Variants in TMEM129 observed in about 807,000 individuals in gnomAD.
TMEM129 encodes the protein transmembrane protein 129, E3 ubiquitin ligase, also known as E3 ubiquitin-protein ligase TM129.
TMEM129 carries 35 observed loss-of-function variants against 34.1 expected under a neutral mutation model. The ratio of observed to expected loss-of-function variants is 1.03; its 90% confidence interval spans 0.78 to 1.36. The LOEUF is 1.36. Among genes scored for constraint, TMEM129 ranks in the 40% most tolerant of loss-of-function variants. The probability of loss-of-function intolerance (pLI) is 0.00; values close to 1 mark genes in which losing one functional copy is unlikely to be tolerated. For missense variants in TMEM129, 504 were observed against 512.6 expected, an observed-to-expected ratio of 0.98 and a Z score of 0.16; for synonymous variants, 239 against 217.3, an observed-to-expected ratio of 1.10 and a Z score of -0.88.
chr4:1,717,710 G>A (rs1257411988), intron 2 of TMEM129, 35 bp from the exon 3 acceptor site: 2 of 1,465,548 alleles, frequency 1.4e-6, no homozygotes, highest in African/African-American at 1.4e-5. Flanking sequence ...CCCTCTGCAG[G>A]GCAAAGGGAG....
rs113432645 is a variant in TMEM129 at position 1,719,367 on chromosome 4, G to A, written c.206-741C>T. On this transcript the variant is annotated intron_variant, in intron 1 of 3. Coordinates refer to ENST00000382936, the MANE Select transcript of TMEM129 (RefSeq NM_001127266.2). ...AGATCGAGACCATCCTGGCTAACAC[G>A]GTGAAACCCCATCTCCACTAAAAAA... 881 of 369,092 alleles carry A rather than the reference G, an allele frequency of 2.4e-3. 11 individuals carry two copies. The highest frequency in any genetic ancestry group is 0.017 in the African/African-American group (795 of 47,176). 22.9% of individuals were successfully genotyped at this position (369,092 alleles called of 1,614,324 possible). A position where few individuals can be genotyped will look rare whatever the true frequency, so the allele number is the denominator to read the frequency against.
At position 1,717,577 on chromosome 4, in the gene TMEM129, A is replaced by C. The variant is rs1276888960; in HGVS notation, c.779T>G (p.Phe260Cys). The C allele has an allele frequency of 6.5e-7, 1 of 1,549,772 alleles. No homozygotes were observed. The highest frequency in any genetic ancestry group is 8.7e-7 in the Non-Finnish European group (1 of 1,146,338). The change falls in exon 3 of 4, where the codon TTC (phenylalanine) becomes TGC (cysteine). Residue 260 changes from phenylalanine to cysteine, a missense_variant. Transcript: ENST00000382936. ...TACCAGGGAGGCAAATGTCTCCAGG[A>C]ACAGGTCGCCCAGGCTCTGGTGGAT... ...VVIHQSLGDL[F>C]LETFASLVEV...
Position 1,720,616 on chromosome 4 carries a change from G to A in TMEM129, c.205+17C>T, listed in dbSNP as rs1482056883. 2.6e-6 allele frequency: 4 copies of A among 1,532,756 alleles called. No homozygotes were observed. Among genetic ancestry groups the A allele is most frequent in the Non-Finnish European group, 8.7e-7 (1 of 1,142,980 alleles). The allele number at this position is 1,532,756 out of a possible 1,614,324, so 94.9% of individuals were successfully genotyped here. On this transcript the variant is annotated intron_variant, in intron 1 of 3. Coordinates refer to ENST00000382936, the MANE Select transcript of TMEM129 (RefSeq NM_001127266.2). The surrounding 1 kb of genome is among the most constrained non-coding windows in gnomAD (Gnocchi z 4.4). ...TGCGCAGGAGAGGATGCGGCCGGCC[G>A]GCCCGAGCAGCCTCACCGAGCGGCA...
In TMEM129 at chr4:1,720,565, C is replaced by A; in HGVS notation, c.205+68G>T. 1 of 1,470,288 alleles carries A rather than the reference C, an allele frequency of 6.8e-7. No individual in the cohort carries two copies. The highest frequency in any genetic ancestry group is 9.0e-7 in the Non-Finnish European group (1 of 1,109,162). The allele number at this position is 1,470,288 out of a possible 1,614,324, so 91.1% of individuals were successfully genotyped here. On this transcript the variant is annotated intron_variant, in intron 1 of 3. Transcript: ENST00000382936. This position sits in a 1 kb window ranked among gnomAD's most constrained non-coding sequence, Gnocchi z 4.4. The stretch of plus-strand genomic sequence containing the variant: ...CGGGGCCTCGGGGAGCTGGCGGAGG[C>A]CTCCTCCTGACCTCCCAGCAAGCCC...
Position 1,718,891 on chromosome 4 carries a change from G to A in TMEM129, c.206-265C>T. 4 of 1,349,476 alleles carry A rather than the reference G, an allele frequency of 3.0e-6. No individual in the cohort carries two copies. The South Asian group carries it at 6.7e-5, about 23-fold the overall frequency. The allele number at this position is 1,349,476 out of a possible 1,614,324, so 83.6% of individuals were successfully genotyped here. On this transcript the variant is annotated intron_variant, in intron 1 of 3. Coordinates refer to ENST00000382936, the MANE Select transcript of TMEM129 (RefSeq NM_001127266.2). ...AAAAAACTACAAAAGCCTAGAAAGG[G>A]AAAAATAAACACAATCAGGTGTCAC...
In TMEM129 at chr4:1,720,748, C is replaced by G. The variant is rs1198479130; in HGVS notation, c.90G>C (p.Gly30=). ...CCGACAGCAGGTTCTGCACCGTGAGCCCCGCCGCGTGGAACTCGTTGGGCG... is the reference window on the plus strand; with the variant it reads ...CCGACAGCAGGTTCTGCACCGTGAGGCCCGCCGCGTGGAACTCGTTGGGCG... The part of the protein sequence containing the change: ...VFTPNEFHAA[G]LTVQNLLSGW... The change falls in exon 1 of 4, where the codon GGG becomes GGC. Residue 30 remains glycine (G), a synonymous_variant. Transcript: ENST00000382936. The surrounding 1 kb of genome is among the most constrained non-coding windows in gnomAD (Gnocchi z 4.4). 1 of 1,579,946 alleles carries G rather than the reference C, an allele frequency of 6.3e-7. No homozygotes were observed. Among genetic ancestry groups the G allele is most frequent in the South Asian group, 1.2e-5 (1 of 86,354 alleles).
Position 1,716,859 on chromosome 4 carries a change from G to T in TMEM129, c.*321C>A, listed in dbSNP as rs954871368. The T allele has an allele frequency of 6.0e-6, 2 of 331,208 alleles. No homozygotes were observed. Among genetic ancestry groups the T allele is most frequent in the Non-Finnish European group, 5.5e-6 (1 of 182,466 alleles). 20.5% of individuals were successfully genotyped at this position (331,208 alleles called of 1,614,324 possible). On this transcript the variant is annotated 3_prime_UTR_variant, in exon 4 of 4. Coordinates refer to ENST00000382936, the MANE Select transcript of TMEM129 (RefSeq NM_001127266.2). ...ATGACGACCACCTGGGGTAGACCCA[G>T]GGTCTCCAGGGAATGGCTCGGGGGC...
Position 1,720,628 on chromosome 4 carries a change from C to T in TMEM129, c.205+5G>A. 1.3e-6 allele frequency: 2 copies of T among 1,537,748 alleles called. No homozygotes were observed. The highest frequency in any genetic ancestry group is 1.7e-6 in the Non-Finnish European group (2 of 1,144,350). On this transcript the variant is annotated splice_donor_5th_base_variant and intron_variant, in intron 1 of 3. Coordinates refer to ENST00000382936, the MANE Select transcript of TMEM129 (RefSeq NM_001127266.2). The surrounding 1 kb of genome is among the most constrained non-coding windows in gnomAD (Gnocchi z 4.4). ...GATGCGGCCGGCCGGCCCGAGCAGC[C>T]TCACCGAGCGGCAGCAGCGAGTGGC...
chr4:1,720,398 A>C lies in TMEM129; in HGVS notation c.205+235T>G, dbSNP rs11931848. On this transcript the variant is annotated intron_variant, in intron 1 of 3. Transcript: ENST00000382936. The surrounding 1 kb of genome is among the most constrained non-coding windows in gnomAD (Gnocchi z 4.4). ...GACGGTTCAGGACTTGGTGGGCCGG[A>C]GCATCCCTTGCCCAAGGTTCTGAAC... Among the ~76,000 whole-genome samples the C allele has an allele frequency of 6.6e-6, 1 of 152,220 alleles. No homozygotes were observed. The highest frequency in any genetic ancestry group is 2.4e-5 in the African/African-American group (1 of 41,448).
chr4:1,718,404 G>C lies in TMEM129; in HGVS notation c.428C>G (p.Ser143Cys). Residue 143 changes from serine to cysteine, a missense_variant, in exon 2 of 4, where the codon TCC becomes TGC. By Grantham distance (112) the Ser-to-Cys change is moderately radical. Coordinates refer to ENST00000382936, the MANE Select transcript of TMEM129 (RefSeq NM_001127266.2). ...CCGCCGGAACTCAGTGTTGACAGAG[G>C]AGGCAACAGCCTGCCAGCCAGACTG... ...LPQSGWQAVA[S>C]SVNTEFRRID... is the part of the protein sequence containing the mutation. 6.2e-7 allele frequency: 1 copy of C among 1,605,954 alleles called. No homozygotes were observed. Among genetic ancestry groups the C allele is most frequent in the Non-Finnish European group, 8.5e-7 (1 of 1,176,372 alleles).
intron 2 of TMEM129, chr4:1,717,913 G>C: frequency 1.5e-6 from 1 of 682,008 alleles, no homozygotes; most frequent in Non-Finnish European, 2.4e-6. Flanking sequence ...CCAAGAATCT[G>C]GGGGAGGTGG....
Position 1,717,594 on chromosome 4 carries a change from C to T in TMEM129, c.762G>A (p.Gln254=). The T allele has an allele frequency of 6.5e-7, 1 of 1,550,086 alleles. No homozygotes were observed. ...IRRAAHVVIH[Q]SLGDLFLETF... is the part of the protein sequence containing the mutation. ...TCTCCAGGAACAGGTCGCCCAGGCTCTGGTGGATGACCACATGGGCTGCCC... is the reference window on the plus strand; with the variant it reads ...TCTCCAGGAACAGGTCGCCCAGGCTTTGGTGGATGACCACATGGGCTGCCC... The change falls in exon 3 of 4, where the codon CAG becomes CAA. Residue 254 remains glutamine (Q), a synonymous_variant. Coordinates refer to ENST00000382936, the MANE Select transcript of TMEM129 (RefSeq NM_001127266.2).
In TMEM129 at chr4:1,717,810, G is replaced by A. The variant is rs1046114873; in HGVS notation, c.681-135C>T. ...AGATGGCCCTAAGGCCAGAGCCCAC[G>A]GACCCAGTGCCAGACAGCCCAGCCT... is the stretch of plus-strand genomic sequence containing the variant. On this transcript the variant is annotated intron_variant, in intron 2 of 3. Transcript: ENST00000382936. 3.7e-5 allele frequency: 48 copies of A among 1,286,108 alleles called. No individual in the cohort carries two copies. In the African/African-American group the frequency reaches 3.7e-4, roughly 10 times the overall value. The allele number at this position is 1,286,108 out of a possible 1,614,324, so 79.7% of individuals were successfully genotyped here.
At chr4:1,717,788 T>C (rs1717048976) in intron 2 of TMEM129, 113 bp from the exon 3 acceptor site, 1 of 1,382,432 alleles carries the variant, frequency 7.2e-7, no homozygotes, top group Middle Eastern at 2.0e-4. Flanking sequence ...CCAGGAGAGA[T>C]GGCCCTAAGG....
At position 1,716,177 on chromosome 4, in the gene TMEM129, C is replaced by G. The variant is rs529037025; in HGVS notation, c.*1003G>C. On this transcript the variant is annotated 3_prime_UTR_variant, in exon 4 of 4. Transcript: ENST00000382936. Reference sequence around the variant, plus strand: ...GCCTCCCAAATCCCAAGTGTCAGGCCCCCGGAGTCCATCACCTCTGCCTCA... The same window carrying G: ...GCCTCCCAAATCCCAAGTGTCAGGCGCCCGGAGTCCATCACCTCTGCCTCA... The G allele has an allele frequency of 6.6e-6, 1 of 152,468 alleles. No homozygotes were observed. Among genetic ancestry groups the G allele is most frequent in the East Asian group, 1.9e-4 (1 of 5,174 alleles). 9.4% of individuals were successfully genotyped at this position (152,468 alleles called of 1,614,324 possible).
chr4:1,719,037 T>C (rs969808680), intron 1 of TMEM129: 188 of 1,285,164 alleles, frequency 1.5e-4, no homozygotes, highest in Middle Eastern at 2.5e-4. Flanking sequence ...TGAAAAGTTA[T>C]GTGCGAGAAA....
chr4:1,716,197 G>A lies in TMEM129; in HGVS notation c.*983C>T, dbSNP rs1716950442. On this transcript the variant is annotated 3_prime_UTR_variant, in exon 4 of 4. Transcript: ENST00000382936. ...CAGGCCCCCGGAGTCCATCACCTCT[G>A]CCTCAAACAGCCAAGCCCAGGGGCT... 1 of 152,312 alleles carries A rather than the reference G, an allele frequency of 6.6e-6. No homozygotes were observed. The highest frequency in any genetic ancestry group is 1.5e-5 in the Non-Finnish European group (1 of 68,146). The allele number at this position is 152,312 out of a possible 1,614,324, so 9.4% of individuals were successfully genotyped here.
Position 1,720,642 on chromosome 4 carries a change from G to A in TMEM129, c.196C>T (p.Leu66=), listed in dbSNP as rs559653053. ...GCCCGAGCAGCCTCACCGAGCGGCA[G>A]CAGCGAGTGGCACAACAGCGTGGCG... ...TAATLLCHSL[L]PLGYYVGMCL... The change falls in exon 1 of 4, where the codon CTG becomes TTG. Residue 66 remains leucine, a synonymous_variant. Coordinates refer to ENST00000382936, the MANE Select transcript of TMEM129 (RefSeq NM_001127266.2). The surrounding 1 kb of genome is among the most constrained non-coding windows in gnomAD (Gnocchi z 4.4). 5.8e-6 allele frequency: 9 copies of A among 1,541,836 alleles called. No homozygotes were observed. The African/African-American group carries it at 1.2e-4, about 21-fold the overall frequency.
intron 2 of TMEM129, 145 bp downstream of exon 2, chr4:1,718,007 T>G (rs563029498): frequency 1.3e-5 from 10 of 785,240 alleles, no homozygotes; most frequent in African/African-American, 1.0e-4. Flanking sequence ...TGGTGTCTTG[T>G]GGACACCTTG....
Sources: allele counts gnomAD v4.1 joint callset (sites outside exome capture counted in the v4.1 genomes callset), GRCh38; gene constraint gnomAD v4.1.1; non-coding constraint Gnocchi (gnomAD v3.1); transcripts MANE v1.5; gene names NCBI Gene and HGNC (gene_info 2026-07-23, HGNC 2026-07-21).